Variants in CHST3 observed in about 807,000 individuals in gnomAD.
CHST3 encodes C6ST-1.
CHST3 carries 20 observed loss-of-function variants against 35.4 expected under a neutral mutation model. The ratio of observed to expected loss-of-function variants is 0.57; its 90% CI spans 0.40 to 0.82. CHST3 has a LOEUF of 0.82. Among genes scored for constraint, CHST3 ranks in the 40% least tolerant of loss-of-function variants. The pLI is 0.00. For missense variants in CHST3, 693 were observed against 670.1 expected, an observed-to-expected ratio of 1.03 and a Z score of -0.38; for synonymous variants, 334 against 295.9, an observed-to-expected ratio of 1.13 and a Z score of -1.32.
At chr10:71,973,155 G>A (rs1023491542) in intron 1 of CHST3, among the ~76,000 whole-genome samples, 3 of 152,196 alleles carry the variant, frequency 2.0e-5, no homozygotes, top group Admixed American at 6.5e-5. Flanking sequence ...CGTGGTGAGC[G>A]GGAGGGGTGG....
rs565564293 is a variant in CHST3 at position 71,998,027 on chromosome 10, T to A, written c.-107-7709T>A. On this transcript the variant is annotated intron_variant, in intron 1 of 2. Coordinates refer to ENST00000373115, the MANE Select transcript of CHST3 (RefSeq NM_004273.5). ...AGTGGCACGTGCCTGTGCTCCCAGC[T>A]CCTTGGGAAGCTGAGGTGGGAGGAT... Among the ~76,000 whole-genome samples, 6 of 152,176 alleles carry A rather than the reference T, an allele frequency of 3.9e-5. No homozygotes were observed. In the East Asian group the frequency reaches 5.8e-4, roughly 15 times the overall value.
At position 72,008,132 on chromosome 10, in the gene CHST3, G is replaced by A. The variant is rs576878888; in HGVS notation, c.1101G>A (p.Met367Ile). 2 of 1,548,230 alleles carry A rather than the reference G, an allele frequency of 1.3e-6. No homozygotes were observed. The highest frequency in any genetic ancestry group is 1.2e-5 in the South Asian group (1 of 83,942). The stretch of plus-strand genomic sequence containing the variant: ...CCGCCTGGCTGCGGGGCCGCTACAT[G>A]CTGGTGCGCTACGAGGACGTGGCAC... ...RQPAWLRGRY[M>I]LVRYEDVARG... Residue 367 changes from methionine (M) to isoleucine (I), a missense_variant, in exon 3 of 3, where the codon ATG (methionine) becomes ATA (isoleucine). By Grantham distance (10) the Met-to-Ile change is conservative (BLOSUM62 1). Coordinates refer to ENST00000373115, the MANE Select transcript of CHST3 (RefSeq NM_004273.5).
At chr10:71,988,412 T>G (rs190532839) in intron 1 of CHST3, among the ~76,000 whole-genome samples, 6 of 152,302 alleles carry the variant, frequency 3.9e-5, no homozygotes, top group Admixed American at 3.9e-4. Flanking sequence ...GGTGTTTGAG[T>G]CATGGGGGTG....
At chr10:71,973,123 GTC>G (rs1345305881) in intron 1 of CHST3, among the ~76,000 whole-genome samples, 4 of 152,232 alleles carry the variant, frequency 2.6e-5, no homozygotes, top group Non-Finnish European at 5.9e-5. Context: ...AGCGCTTCGA[GTC>G]TGGGGAGGGT....
In CHST3 at chr10:72,008,309, G is replaced by T. The variant is rs1336965730; in HGVS notation, c.1278G>T (p.Glu426Asp). Reference sequence around the variant, plus strand: ...AGAAGAACTCCTCGGAGCAGTTCGAGAAGTGGCGCTTCAGCATGCCCTTCA... The same window carrying T: ...AGAAGAACTCCTCGGAGCAGTTCGATAAGTGGCGCTTCAGCATGCCCTTCA... The part of the protein sequence containing the change: ...STQKNSSEQF[E>D]KWRFSMPFKL... The change falls in exon 3 of 3, where the codon GAG (glutamate) becomes GAT (aspartate). Residue 426 changes from glutamate to aspartate, a missense_variant. Glu to Asp is a conservative substitution (Grantham distance 45). Transcript: ENST00000373115. The T allele has an allele frequency of 1.9e-6, 3 of 1,583,144 alleles. No individual in the cohort carries two copies. The highest frequency in any genetic ancestry group is 2.6e-6 in the Non-Finnish European group (3 of 1,165,122).
At chr10:72,004,341 G>A (rs1020443354) in intron 1 of CHST3, among the ~76,000 whole-genome samples, 1 of 152,096 alleles carries the variant, frequency 6.6e-6, no homozygotes, top group African/African-American at 2.4e-5. Context: ...TTGAACAATT[G>A]TTGCTTTATG....
chr10:71,989,467 G>T (rs1839878306), intron 1 of CHST3, among the ~76,000 whole-genome samples: 1 of 151,994 alleles, frequency 6.6e-6, no homozygotes, highest in Non-Finnish European at 1.5e-5. Flanking sequence ...AAAAAAGTTG[G>T]AAACCTGATA....
intron 1 of CHST3, among the ~76,000 whole-genome samples, chr10:71,980,566 CTGCAGAG>C (rs552706288): frequency 3.8e-4 from 58 of 152,364 alleles, no homozygotes; most frequent in African/African-American, 1.3e-3. Flanking sequence ...TCAGACTCAA[CTGCAGAG>C]TGTGCTAAAA....
intron 1 of CHST3, among the ~76,000 whole-genome samples, chr10:71,998,826 A>G (rs545790981): frequency 1.3e-5 from 2 of 152,264 alleles, no homozygotes; most frequent in South Asian, 4.1e-4. Flanking sequence ...TGGGAGAGGA[A>G]GAGCAAGCTG....
Position 72,008,245 on chromosome 10 carries a change from C to A in CHST3, c.1214C>A (p.Thr405Lys), listed in dbSNP as rs951331805. 3.8e-6 allele frequency: 6 copies of A among 1,571,458 alleles called. No individual in the cohort carries two copies. The African/African-American group carries it at 8.1e-5, about 21-fold the overall frequency. Residue 405 changes from threonine to lysine, a missense_variant, in exon 3 of 3, where the codon ACG becomes AAG. Transcript: ENST00000373115. ...PQVEDWIQKN[T>K]QAAHDGSGIY... is the part of the protein sequence containing the mutation. ...GTGGAAGACTGGATCCAAAAGAACA[C>A]GCAGGCGGCCCACGACGGCAGCGGC...
chr10:71,967,099 C>G (rs995772599), intron 1 of CHST3, among the ~76,000 whole-genome samples: 3 of 152,188 alleles, frequency 2.0e-5, no homozygotes, highest in Non-Finnish European at 4.4e-5. Flanking sequence ...ACCTCCTGGA[C>G]TCAGGTGATC....
At chr10:71,995,616 G>C (rs1839931912) in intron 1 of CHST3, among the ~76,000 whole-genome samples, 1 of 152,186 alleles carries the variant, frequency 6.6e-6, no homozygotes, top group Middle Eastern at 3.4e-3. Flanking sequence ...GCCATGGCAG[G>C]GTTATTAATT....
chr10:71,971,505 C>A (rs766775581), intron 1 of CHST3, among the ~76,000 whole-genome samples: 8 of 152,226 alleles, frequency 5.3e-5, no homozygotes, highest in Non-Finnish European at 1.2e-4. Flanking sequence ...CAGCCCCAGC[C>A]CACACAGCTA....
At chr10:72,004,416 C>G (rs1564531148) in intron 1 of CHST3, among the ~76,000 whole-genome samples, 1 of 152,134 alleles carries the variant, frequency 6.6e-6, no homozygotes, top group East Asian at 1.9e-4. Context: ...GTAGGGAGCC[C>G]TAACATAGCC....
chr10:72,007,500 A>G lies in CHST3; in HGVS notation c.469A>G (p.Asn157Asp), dbSNP rs1287115514. Reference protein sequence around the residue: ...FVGEFFNQQGNIFYLFEPLWH... With the variant: ...FVGEFFNQQGDIFYLFEPLWH... Reference sequence around the variant, plus strand: ...GGGCGAGTTCTTCAACCAGCAGGGCAACATCTTCTACCTCTTCGAGCCGCT... The same window carrying G: ...GGGCGAGTTCTTCAACCAGCAGGGCGACATCTTCTACCTCTTCGAGCCGCT... Residue 157 changes from asparagine (N) to aspartate (D), a missense_variant, in exon 3 of 3, where the codon AAC (asparagine) becomes GAC (aspartate). Asn to Asp is a conservative substitution (Grantham distance 23). Coordinates refer to ENST00000373115, the MANE Select transcript of CHST3 (RefSeq NM_004273.5). 5 of 1,602,402 alleles carry G rather than the reference A, an allele frequency of 3.1e-6. No individual in the cohort carries two copies. The highest frequency in any genetic ancestry group is 2.2e-5 in the East Asian group (1 of 44,878).
chr10:71,998,718 C>T (rs1451250070), intron 1 of CHST3, among the ~76,000 whole-genome samples: 1 of 152,246 alleles, frequency 6.6e-6, no homozygotes, highest in African/African-American at 2.4e-5. Flanking sequence ...TTTACAGCTA[C>T]GTGGACATCC....
Position 72,007,804 on chromosome 10 carries a change from C to T in CHST3, c.773C>T (p.Thr258Met). The T allele has an allele frequency of 6.2e-7, 1 of 1,601,596 alleles. No homozygotes were observed. Among genetic ancestry groups the T allele is most frequent in the African/African-American group, 1.3e-5 (1 of 75,020 alleles). ...CGCCGCTGCGGCCCCCTCAACGTGA[C>T]GCTGGCCGCAGAGGCCTGCCGCCGC... ...KNRRCGPLNV[T>M]LAAEACRRKE... is the part of the protein sequence containing the mutation. Residue 258 changes from threonine to methionine, a missense_variant, in exon 3 of 3, where the codon ACG (threonine) becomes ATG (methionine). Thr to Met is a moderately conservative substitution (Grantham distance 81). Coordinates refer to ENST00000373115, the MANE Select transcript of CHST3 (RefSeq NM_004273.5).
intron 1 of CHST3, among the ~76,000 whole-genome samples, chr10:71,969,960 A>G (rs1303654637): frequency 1.3e-5 from 2 of 152,314 alleles, no homozygotes; most frequent in Admixed American, 6.5e-5. Flanking sequence ...GTTAAACAGA[A>G]ATGATATTTG....
At chr10:71,974,152 T>C (rs1839722688) in intron 1 of CHST3, among the ~76,000 whole-genome samples, 1 of 152,210 alleles carries the variant, frequency 6.6e-6, no homozygotes, top group Non-Finnish European at 1.5e-5. Flanking sequence ...GGTGAGCTAT[T>C]ATTATATAGG....
Sources: allele counts gnomAD v4.1 joint callset (sites outside exome capture counted in the v4.1 genomes callset), GRCh38; gene constraint gnomAD v4.1.1; transcripts MANE v1.5; gene names NCBI Gene and HGNC (gene_info 2026-07-23, HGNC 2026-07-21).